Variants in ZSWIM4 observed in about 807,000 individuals in gnomAD.
ZSWIM4 encodes zinc finger SWIM-type containing 4.
A neutral mutation model predicts 102.5 loss-of-function variants in ZSWIM4; 62 were observed. That is an observed-to-expected ratio of 0.60 (90% CI 0.49 to 0.75). The LOEUF (loss-of-function observed/expected upper bound fraction) is 0.75. Among genes scored for constraint, ZSWIM4 ranks in the 30% least tolerant of loss-of-function variants. The probability of loss-of-function intolerance (pLI) is 0.00; values close to 1 mark genes in which losing one functional copy is unlikely to be tolerated. For missense variants in ZSWIM4, 1,280 were observed against 1,529.6 expected, an observed-to-expected ratio of 0.84 and a Z score of 2.72; for synonymous variants, 652 against 674.5, an observed-to-expected ratio of 0.97 and a Z score of 0.52.
intron 3 of ZSWIM4, among the ~76,000 whole-genome samples, chr19:13,808,322 T>C (rs1974972836): frequency 6.6e-6 from 1 of 151,312 alleles, no homozygotes; most frequent in African/African-American, 2.4e-5. Flanking sequence ...GATGGATTGA[T>C]GGAGGGATGG....
At chr19:13,828,502 C>T in intron 12 of ZSWIM4, 143 bp from the exon 13 acceptor site, 2 of 602,972 alleles carry the variant, frequency 3.3e-6, no homozygotes, top group Non-Finnish European at 3.0e-6. Context: ...TAATTGAGGC[C>T]CAGAAAGTTG....
At chr19:13,829,114 A>AAG (rs371477283) in intron 13 of ZSWIM4, among the ~76,000 whole-genome samples, 74 of 148,310 alleles carry the variant, frequency 5.0e-4, no homozygotes, top group African/African-American at 1.4e-3. Flanking sequence ...GGAAAAAAAA[A>AAG]AGAGAGAGAG....
At chr19:13,830,042 G>A in intron 13 of ZSWIM4, 149 bp from the exon 14 acceptor site, 1 of 1,029,842 alleles carries the variant, frequency 9.7e-7, no homozygotes, top group Non-Finnish European at 1.4e-6. Context: ...ACCTAGTCCA[G>A]GTGCGCCCTG....
intron 10 of ZSWIM4, among the ~76,000 whole-genome samples, chr19:13,822,920 A>C (rs1020956816): frequency 9.2e-5 from 14 of 151,860 alleles, no homozygotes; most frequent in Non-Finnish European, 1.9e-4. Context: ...CAGAGGTTGC[A>C]GTGAGCCGAG....
chr19:13,818,651 C>A (rs1047466370), intron 9 of ZSWIM4, among the ~76,000 whole-genome samples: 1 of 150,604 alleles, frequency 6.6e-6, no homozygotes, highest in African/African-American at 2.4e-5. Context: ...GCAATCTCTG[C>A]CTCCCGGGTT....
At chr19:13,817,615 C>G in intron 8 of ZSWIM4, 107 bp from the exon 9 acceptor site, 1 of 1,376,902 alleles carries the variant, frequency 7.3e-7, no homozygotes, top group Admixed American at 2.6e-5. Context: ...TTCTGGGCTC[C>G]CTCTAAAGCC....
chr19:13,799,544 G>A (rs1392058363), intron 1 of ZSWIM4, among the ~76,000 whole-genome samples, 176 bp from the exon 2 acceptor site: 2 of 152,044 alleles, frequency 1.3e-5, no homozygotes, highest in Non-Finnish European at 2.9e-5. Context: ...CAAAAATCCT[G>A]GGATTACAGG....
intron 9 of ZSWIM4, among the ~76,000 whole-genome samples, 155 bp downstream of exon 9, chr19:13,818,131 T>C (rs1353286455): frequency 2.0e-5 from 3 of 152,044 alleles, no homozygotes; most frequent in Non-Finnish European, 4.4e-5. Context: ...CTTGGCAGTT[T>C]CTAAAAGGAG....
intron 9 of ZSWIM4, 51 bp downstream of exon 9, chr19:13,818,027 C>G (rs998090028): frequency 3.8e-5 from 55 of 1,443,476 alleles, no homozygotes; most frequent in Non-Finnish European, 4.6e-5. Flanking sequence ...GGGTCCAGCC[C>G]CTGGTCCTGT....
chr19:13,824,192 G>A (rs972881485), intron 11 of ZSWIM4, among the ~76,000 whole-genome samples: 1 of 151,878 alleles, frequency 6.6e-6, no homozygotes, highest in African/African-American at 2.4e-5. Flanking sequence ...GAGAGGAGAA[G>A]TTAAATTTCT....
chr19:13,818,722 C>G (rs754544922), intron 9 of ZSWIM4, among the ~76,000 whole-genome samples: 15 of 151,970 alleles, frequency 9.9e-5, no homozygotes, highest in Non-Finnish European at 1.9e-4. Flanking sequence ...CGCCACCACA[C>G]CCGGCTGATT....
rs747778923 is a variant in ZSWIM4, at chr19:13,831,095, G to A, written c.*45G>A. ...GAGTGGGGATCCCCCTCGCCCCTGC[G>A]TCCCCCACCCTTGCTCTCCAATTAG... is the stretch of plus-strand genomic sequence containing the variant. On this transcript the variant is annotated 3_prime_UTR_variant, in exon 14 of 14. Transcript: ENST00000590508. The A allele has an allele frequency of 9.9e-6, 15 of 1,514,804 alleles. No individual in the cohort carries two copies. Among genetic ancestry groups the A allele is most frequent in the Non-Finnish European group, 1.3e-5 (15 of 1,138,642 alleles). The allele number at this position is 1,514,804 out of a possible 1,614,324, so 93.8% of individuals were successfully genotyped here.
At chr19:13,820,194 G>A (rs1975425165) in intron 10 of ZSWIM4, among the ~76,000 whole-genome samples, 1 of 152,090 alleles carries the variant, frequency 6.6e-6, no homozygotes, top group Admixed American at 6.6e-5. Context: ...ACCTCGCACA[G>A]CCGTGCTTTT....
At position 13,799,928 on chromosome 19, in the gene ZSWIM4, C is replaced by A; in HGVS notation, c.355+7C>A. The A allele has an allele frequency of 1.2e-6, 2 of 1,606,834 alleles. No individual in the cohort carries two copies. Among genetic ancestry groups the A allele is most frequent in the South Asian group, 1.1e-5 (1 of 90,892 alleles). On this transcript the variant is annotated splice_region_variant and intron_variant, in intron 2 of 13. Transcript: ENST00000590508. ...GACCGCGTGTTGCAAGTGGGTGAGT[C>A]TTTGTCCCCCACTCCTGCTGGGGAG... is the stretch of plus-strand genomic sequence containing the variant.
chr19:13,826,234 A>T (rs1975606791), intron 12 of ZSWIM4, among the ~76,000 whole-genome samples: 1 of 151,972 alleles, frequency 6.6e-6, no homozygotes, highest in African/African-American at 2.4e-5. Flanking sequence ...GCAAGCCAGC[A>T]GATGGATCGC....
At chr19:13,829,648 C>G (rs1024702418) in intron 13 of ZSWIM4, among the ~76,000 whole-genome samples, 2 of 151,798 alleles carry the variant, frequency 1.3e-5, no homozygotes, top group South Asian at 2.1e-4. Flanking sequence ...TACGGTGAAA[C>G]CCCGTCTCTA....
chr19:13,813,740 G>A (rs1233169308), intron 6 of ZSWIM4, among the ~76,000 whole-genome samples: 1 of 151,812 alleles, frequency 6.6e-6, no homozygotes, highest in Non-Finnish European at 1.5e-5. Flanking sequence ...GAGTAACATG[G>A]TGAGACCTTG....
chr19:13,831,789 C>G lies in ZSWIM4; in HGVS notation c.*739C>G, dbSNP rs891944367. ...CACAGACGCGAGAGAGCCGGAGACC[C>G]CCACCCCCGATCTGGAAAGGAAAGA... On this transcript the variant is annotated 3_prime_UTR_variant, in exon 14 of 14. Coordinates refer to ENST00000590508, the MANE Select transcript of ZSWIM4 (RefSeq NM_001367834.3). The G allele has an allele frequency of 6.6e-6, 1 of 152,512 alleles. No homozygotes were observed. The highest frequency in any genetic ancestry group is 2.4e-5 in the African/African-American group (1 of 41,560). The allele number at this position is 152,512 out of a possible 1,614,324, so 9.4% of individuals were successfully genotyped here.
intron 13 of ZSWIM4, among the ~76,000 whole-genome samples, chr19:13,829,455 G>T (rs958272368): frequency 6.6e-6 from 1 of 152,144 alleles, no homozygotes; most frequent in Admixed American, 6.6e-5. Context: ...GCCAGATGTG[G>T]TGGCAGGTGC....
Sources: gnomAD v4.1 joint callset for allele counts (sites outside exome capture counted in the v4.1 genomes callset) on GRCh38, gnomAD v4.1.1 for gene constraint, MANE v1.5 for transcripts, NCBI Gene and HGNC (gene_info 2026-07-23, HGNC 2026-07-21) for gene names.